The following SEC16A variants were observed in gnomAD, a reference collection of about 807,000 sequenced individuals.
The protein encoded by SEC16A is SEC16 homolog A, endoplasmic reticulum export factor.
SEC16A carries 110 observed loss-of-function variants against 221.9 expected under a neutral mutation model. That is an observed-to-expected ratio of 0.50 (90% CI 0.42 to 0.58). The LOEUF (loss-of-function observed/expected upper bound fraction) is 0.58. Ranked by LOEUF, SEC16A falls within the 20% of genes least tolerant of loss-of-function variation. SEC16A has a pLI of 0.00. For missense variants in SEC16A, 3,165 were observed against 3,097.8 expected (o/e 1.02, Z -0.52); for synonymous variants, 1,393 against 1,257.7 (o/e 1.11, Z -2.28).
In SEC16A at chr9:136,459,797, G is replaced by A. The variant is rs148623238; in HGVS notation, c.5151C>T (p.Asp1717=). The change falls in exon 15 of 32, where the codon GAC becomes GAT. Residue 1717 remains aspartate, a synonymous_variant. Coordinates refer to ENST00000684901, the MANE Select transcript of SEC16A (RefSeq NM_014866.2). This position sits in a 1 kb window ranked among gnomAD's most constrained non-coding sequence, Gnocchi z 6.1. The part of the protein sequence containing the change: ...MVLSNLNNNM[D]VESRTMATMG... The stretch of plus-strand genomic sequence containing the variant: ...TGGTAGCCATCGTCCTGGACTCGAC[G>A]TCCATGTTGTTGTTCAAGTTGGACA... 1.1e-3 allele frequency: 1,764 copies of A among 1,612,946 alleles called. 26 individuals carry two copies. In the African/African-American group the frequency reaches 0.022, roughly 20 times the overall value.
In SEC16A at chr9:136,477,192, C is replaced by T; in HGVS notation, c.424G>A (p.Ala142Thr). 1 of 1,613,888 alleles carries T rather than the reference C, an allele frequency of 6.2e-7. No individual in the cohort carries two copies. Among genetic ancestry groups the T allele is most frequent in the South Asian group, 1.1e-5 (1 of 91,082 alleles). The change falls in exon 3 of 32, where the codon GCA becomes ACA. Residue 142 changes from alanine (A) to threonine (T), a missense_variant. Ala to Thr is a moderately conservative substitution (Grantham distance 58). This residue lies in a region of SEC16A where 2,030 missense variants were observed against 1,923.1 expected (regional missense o/e 1.06). Transcript: ENST00000684901. ...APPGPEMNRS[A>T]EVGPSSEPEV... ...GGCTCTGAACTGGGACCGACCTCTGCACTCCTGTTCATCTCAGGCCCAGGA... is the reference window on the plus strand; with the variant it reads ...GGCTCTGAACTGGGACCGACCTCTGTACTCCTGTTCATCTCAGGCCCAGGA...
At position 136,447,394 on chromosome 9, in the gene SEC16A, G is replaced by T; in HGVS notation, c.6560-30C>A. On this transcript the variant is annotated intron_variant, in intron 26 of 31. Transcript: ENST00000684901. This position sits in a 1 kb window ranked among gnomAD's most constrained non-coding sequence, Gnocchi z 5.5. Reference sequence around the variant, plus strand: ...AAAGGGGAGGGAAGCAAATTGAGGTGAACGCGCCAGGTGGCCTCCAGCTTC... The same window carrying T: ...AAAGGGGAGGGAAGCAAATTGAGGTTAACGCGCCAGGTGGCCTCCAGCTTC... 6.3e-7 allele frequency: 1 copy of T among 1,589,688 alleles called. No individual in the cohort carries two copies. Among genetic ancestry groups the T allele is most frequent in the South Asian group, 1.1e-5 (1 of 87,484 alleles).
In SEC16A at chr9:136,448,096, G is replaced by C; in HGVS notation, c.6378C>G (p.Asp2126Glu). Residue 2126 changes from aspartate (D) to glutamate (E), a missense_variant, in exon 24 of 32, where the codon GAC (aspartate) becomes GAG (glutamate). Transcript: ENST00000684901. The part of the protein sequence containing the change: ...KKKTEAYLPD[D>E]KNKSIVWDEK... ...TGACAGCACTCACCGATTTGTTCTT[G>C]TCATCTGGCAAATAAGCTTCTGTCT... is the stretch of plus-strand genomic sequence containing the variant. The C allele has an allele frequency of 6.2e-7, 1 of 1,612,780 alleles. No homozygotes were observed. Among genetic ancestry groups the C allele is most frequent in the Non-Finnish European group, 8.5e-7 (1 of 1,179,224 alleles).
In SEC16A at chr9:136,455,530, G is replaced by T. The variant is rs1838512807; in HGVS notation, c.5857+71C>A. On this transcript the variant is annotated intron_variant, in intron 20 of 31. Transcript: ENST00000684901. ...GAAAGCAGTTCTCCAGGAGGCAAGG[G>T]TGCAGGCCATGGCTCAGCCCACAGG... The T allele has an allele frequency of 5.7e-6, 8 of 1,402,400 alleles. No homozygotes were observed. The South Asian group carries it at 8.3e-5, about 15-fold the overall frequency. The allele number at this position is 1,402,400 out of a possible 1,614,324, so 86.9% of individuals were successfully genotyped here.
At chr9:136,463,815 C>A in intron 9 of SEC16A, 75 bp from the exon 10 acceptor site, 2 of 1,520,860 alleles carry the variant, frequency 1.3e-6, no homozygotes, top group Non-Finnish European at 9.1e-7. Flanking sequence ...AACCCAGGCA[C>A]GGATGCTGCC....
At chr9:136,483,428 T>TC (rs1842669878), upstream of SEC16A, 55 of 798,740 alleles carry the variant, frequency 6.9e-5, no homozygotes, top group South Asian at 1.8e-4. Flanking sequence ...ATCCTGTCGT[T>TC]CCCGCCCCTT....
chr9:136,473,516 C>T (rs1235454890), intron 3 of SEC16A, among the ~76,000 whole-genome samples: 1 of 152,268 alleles, frequency 6.6e-6, no homozygotes, highest in African/African-American at 2.4e-5. Context: ...CTGCCCGCAC[C>T]ACCACGTGCT....
rs369672115 is a variant in SEC16A, at chr9:136,466,965, G to A, written c.3921C>T (p.Phe1307=). ...YDAYRREHSA[F]GDRPEKRDNN... is the part of the protein sequence containing the mutation. ...AGGGGTGCTCCACCAACCTGTCCCC[G>A]AAGGCAGAGTGCTCTCTCCTGTATG... is the stretch of plus-strand genomic sequence containing the variant. The change falls in exon 6 of 32, where the codon TTC becomes TTT. Residue 1307 remains phenylalanine (F), a synonymous_variant. Transcript: ENST00000684901. This position sits in a 1 kb window ranked among gnomAD's most constrained non-coding sequence, Gnocchi z 5.5. 75 of 1,612,872 alleles carry A rather than the reference G, an allele frequency of 4.7e-5. No individual in the cohort carries two copies. In the African/African-American group the frequency reaches 7.3e-4, roughly 16 times the overall value.
At position 136,441,693 on chromosome 9, in the gene SEC16A, C is replaced by T. The variant is rs373634601; in HGVS notation, c.*62G>A. 231 of 1,503,622 alleles carry T rather than the reference C, an allele frequency of 1.5e-4. No homozygotes were observed. The highest frequency in any genetic ancestry group is 1.4e-3 in the African/African-American group (101 of 72,948). The allele number at this position is 1,503,622 out of a possible 1,614,324, so 93.1% of individuals were successfully genotyped here. ...CGGGACGGAGATCGCGGAGGTCGGTCGGGTTCTTCGGGGAGAACAGCAGCG... is the reference window on the plus strand; with the variant it reads ...CGGGACGGAGATCGCGGAGGTCGGTTGGGTTCTTCGGGGAGAACAGCAGCG... On this transcript the variant is annotated 3_prime_UTR_variant, in exon 32 of 32. Transcript: ENST00000684901.
Position 136,466,557 on chromosome 9 carries a change from C to A in SEC16A, c.3930-95G>T. ...GCTGCCCAGGAGCTGAGACCGAGAC[C>A]CCTGGGGCCGAGGCACAACACAGCA... is the stretch of plus-strand genomic sequence containing the variant. On this transcript the variant is annotated intron_variant, in intron 6 of 31. Transcript: ENST00000684901. This position sits in a 1 kb window ranked among gnomAD's most constrained non-coding sequence, Gnocchi z 5.5. 2.4e-6 allele frequency: 3 copies of A among 1,226,728 alleles called. No homozygotes were observed. The highest frequency in any genetic ancestry group is 1.5e-5 in the South Asian group (1 of 65,534). The allele number at this position is 1,226,728 out of a possible 1,614,324, so 76.0% of individuals were successfully genotyped here. A position where few individuals can be genotyped will look rare whatever the true frequency, so the allele number is the denominator to read the frequency against.
intron 20 of SEC16A, 147 bp downstream of exon 20, chr9:136,455,454 C>T (rs1012626180): frequency 5.5e-6 from 4 of 729,038 alleles, no homozygotes; most frequent in Non-Finnish European, 8.7e-6. Context: ...GACCGAGGAG[C>T]CCCACAACCA....
chr9:136,452,790 A>AT (rs1491306557), intron 22 of SEC16A, among the ~76,000 whole-genome samples: 1 of 133,022 alleles, frequency 7.5e-6, no homozygotes, highest in African/African-American at 2.7e-5. Flanking sequence ...AAAAAAAAAA[A>AT]GGCCAGGCTT....
upstream of SEC16A, chr9:136,483,489 G>A (rs1589044457): frequency 4.9e-5 from 30 of 610,884 alleles, no homozygotes; most frequent in Non-Finnish European, 5.7e-5. Context: ...GCCCCCCTCC[G>A]GCGTCCGTCT....
At chr9:136,457,751 G>A (rs926132939) in intron 17 of SEC16A, among the ~76,000 whole-genome samples, 167 bp from the exon 18 acceptor site, 2 of 147,582 alleles carry the variant, frequency 1.4e-5, no homozygotes, top group African/African-American at 4.9e-5. Context: ...CACCACGCCC[G>A]CTGACCACAG....
At chr9:136,460,665 C>CTTT (rs1839355743) in intron 13 of SEC16A, among the ~76,000 whole-genome samples, 1 of 151,376 alleles carries the variant, frequency 6.6e-6, no homozygotes, top group Non-Finnish European at 1.5e-5. Flanking sequence ...AATCCCAGCA[C>CTTT]TTTCAGAAGG....
rs1303538607 is a variant in SEC16A at position 136,465,987 on chromosome 9, G to A, written c.4278C>T (p.Asp1426=). 1.9e-6 allele frequency: 3 copies of A among 1,613,104 alleles called. No homozygotes were observed. Among genetic ancestry groups the A allele is most frequent in the Admixed American group, 3.3e-5 (2 of 60,026 alleles). The stretch of plus-strand genomic sequence containing the variant: ...CTTGCTCCATGGCAGGCCAGACGGT[G>A]TCGGCAGGGTAGCCATACTCTGGGA... ...PGFPEYGYPA[D]TVWPAMEQVS... Residue 1426 remains aspartate, a synonymous_variant, in exon 8 of 32, where the codon GAC becomes GAT. Coordinates refer to ENST00000684901, the MANE Select transcript of SEC16A (RefSeq NM_014866.2).
At chr9:136,483,545 G>A, upstream of SEC16A, 1 of 985,028 alleles carries the variant, frequency 1.0e-6, no homozygotes, top group Non-Finnish European at 1.2e-6. Context: ...GCCCGGCCAG[G>A]CGCGCCGGGG....
intron 29 of SEC16A, 24 bp downstream of exon 29, chr9:136,445,621 G>A (rs954536092): frequency 6.5e-7 from 1 of 1,530,812 alleles, no homozygotes; most frequent in African/African-American, 1.4e-5. Flanking sequence ...GGCTGCGGGG[G>A]GCCCTGGCGT....
intron 12 of SEC16A, among the ~76,000 whole-genome samples, chr9:136,461,823 C>G (rs1165364482): frequency 6.6e-6 from 1 of 152,082 alleles, no homozygotes; most frequent in African/African-American, 2.4e-5. Context: ...TCATACTGAT[C>G]AGGCCGGGCG....
Sources: allele counts gnomAD v4.1 joint callset (sites outside exome capture counted in the v4.1 genomes callset), GRCh38; gene constraint gnomAD v4.1.1; regional missense constraint gnomAD v4.1.1; non-coding constraint Gnocchi (gnomAD v3.1); transcripts MANE v1.5; gene names NCBI Gene and HGNC (gene_info 2026-07-23, HGNC 2026-07-21).